USP25: variants seen among roughly 807,000 people sequenced by gnomAD.
USP25 encodes the protein ubiquitin specific peptidase 25, also known as ubiquitin carboxyl-terminal hydrolase 25.
A neutral mutation model predicts 158.5 loss-of-function variants in USP25; 85 were observed. That is an observed-to-expected ratio of 0.54 (90% CI 0.45 to 0.64). The LOEUF (loss-of-function observed/expected upper bound fraction) is 0.64, where lower values mean the gene tolerates loss of function less well. Among genes scored for constraint, USP25 ranks in the 30% least tolerant of loss-of-function variants. The pLI is 0.00. For synonymous variants in USP25, 464 were observed against 460.4 expected, an observed-to-expected ratio of 1.01 and a Z score of -0.10; for missense variants, 1,242 against 1,327.3, an observed-to-expected ratio of 0.94 and a Z score of 1.00.
intron 6 of USP25, 61 bp downstream of exon 6, chr21:15,799,904 T>A: frequency 7.0e-6 from 8 of 1,148,612 alleles, no homozygotes; most frequent in Non-Finnish European, 9.5e-6. Flanking sequence ...TTATATGTGA[T>A]TGATTTTTGG....
Position 15,739,025 on chromosome 21 carries a change from GA to G in USP25, c.45+8588del, listed in dbSNP as rs557943716. Among the ~76,000 whole-genome samples the G allele has an allele frequency of 3.1e-4, 47 of 152,264 alleles. No individual in the cohort carries two copies. The South Asian group carries it at 8.9e-3, about 29-fold the overall frequency. ...AAGGGACAGGAATTGCTCACCCCGG[GA>G]GCTCGGCTCTTGAGACAGGAGTCTT... On this transcript the variant is annotated intron_variant, in intron 1 of 25. Transcript: ENST00000400183.
At position 15,826,228 on chromosome 21, in the gene USP25, CA is replaced by C; in HGVS notation, c.1332del (p.Lys444AsnfsTer6). The C allele has an allele frequency of 6.2e-7, 1 of 1,613,940 alleles. No individual in the cohort carries two copies. The highest frequency in any genetic ancestry group is 1.3e-5 in the African/African-American group (1 of 75,040). On this transcript the variant is annotated frameshift_variant, in exon 13 of 26. Coordinates refer to ENST00000400183, the MANE Select transcript of USP25 (RefSeq NM_001283041.3). LOFTEE classifies it high-confidence loss of function. The surrounding 1 kb of genome is among the most constrained non-coding windows in gnomAD (Gnocchi z 4.8). ...GATATTTAAGCTATGGTTCCGGTCC[CA>C]AACGATTCCCCTTGGTAGATGTTCT... ...ERYLSYGSGP[K>X]RFPLVDVLQY...
intron 1 of USP25, among the ~76,000 whole-genome samples, chr21:15,741,253 T>G (rs888801109): frequency 6.6e-6 from 1 of 152,032 alleles, no homozygotes; most frequent in African/African-American, 2.4e-5. Context: ...ATATAAATAT[T>G]CTCACATCTG....
chr21:15,876,168 T>C (rs2040089749), intron 24 of USP25: 1 of 152,162 alleles, frequency 6.6e-6, no homozygotes, highest in South Asian at 2.1e-4. Context: ...ATTTAAGAGA[T>C]TTCCAGGACA....
chr21:15,817,493 A>T (rs1337795862), intron 9 of USP25, among the ~76,000 whole-genome samples: 1 of 152,150 alleles, frequency 6.6e-6, no homozygotes, highest in Non-Finnish European at 1.5e-5. Context: ...TCTTAGATTT[A>T]ACCATTCAGT....
In USP25 at chr21:15,811,202, T is replaced by C; in HGVS notation, c.923T>C (p.Val308Ala). Reference protein sequence around the residue: ...LFYGRFLAVGVLEGKKFENTE... With the variant: ...LFYGRFLAVGALEGKKFENTE... ...TATGGCAGATTCCTGGCTGTGGGAG[T>C]ACTTGAAGGTAGAGTTATACATTTA... Residue 308 changes from valine to alanine, a missense_variant, in exon 9 of 26, where the codon GTA becomes GCA. Coordinates refer to ENST00000400183, the MANE Select transcript of USP25 (RefSeq NM_001283041.3). The C allele has an allele frequency of 6.2e-7, 1 of 1,611,806 alleles. No homozygotes were observed. Among genetic ancestry groups the C allele is most frequent in the Non-Finnish European group, 8.5e-7 (1 of 1,179,112 alleles).
In USP25 at chr21:15,768,007, C is replaced by T. The variant is rs185341043; in HGVS notation, c.268+1866C>T. ...ATAGGTTCCCTTAGGGAGAAGGCAG[C>T]CTAATTTCAGGAGGCACGTGTCTCA... On this transcript the variant is annotated intron_variant, in intron 3 of 25. Transcript: ENST00000400183. Among the ~76,000 whole-genome samples, 144 of 152,124 alleles carry T rather than the reference C, an allele frequency of 9.5e-4. 1 individual carries two copies. Among genetic ancestry groups the T allele is most frequent in the African/African-American group, 3.4e-3 (140 of 41,512 alleles).
At chr21:15,803,180 A>G (rs2146262448) in intron 6 of USP25, among the ~76,000 whole-genome samples, 1 of 151,936 alleles carries the variant, frequency 6.6e-6, no homozygotes, top group Middle Eastern at 3.4e-3. Context: ...TTAAGCATTT[A>G]AAGAACAAAT....
At chr21:15,770,991 T>C (rs1034644792) in intron 3 of USP25, among the ~76,000 whole-genome samples, 1 of 152,222 alleles carries the variant, frequency 6.6e-6, no homozygotes, top group Non-Finnish European at 1.5e-5. Context: ...TGAAAAAATT[T>C]TGAATATATA....
chr21:15,736,254 C>T (rs555872586), intron 1 of USP25, among the ~76,000 whole-genome samples: 3 of 152,122 alleles, frequency 2.0e-5, no homozygotes, highest in Admixed American at 1.3e-4. Flanking sequence ...TACACCACCA[C>T]GCCCAGCTAC....
chr21:15,760,069 C>T (rs1232025860), intron 1 of USP25, among the ~76,000 whole-genome samples: 1 of 152,210 alleles, frequency 6.6e-6, no homozygotes. Context: ...CTGCCAATGC[C>T]TATCCAATGA....
At chr21:15,799,937 C>A in intron 6 of USP25, 94 bp downstream of exon 6, 1 of 639,134 alleles carries the variant, frequency 1.6e-6, no homozygotes, top group Non-Finnish European at 2.4e-6. Context: ...CTCATCAAAT[C>A]TGAAACTGTC....
intron 1 of USP25, among the ~76,000 whole-genome samples, chr21:15,731,342 C>T (rs1271357597): frequency 6.6e-6 from 1 of 152,066 alleles, no homozygotes; most frequent in Non-Finnish European, 1.5e-5. Flanking sequence ...AAAGAGTAAA[C>T]CGTGCCTTAG....
At chr21:15,836,224 T>C (rs1021729687) in intron 17 of USP25, among the ~76,000 whole-genome samples, 30 of 152,266 alleles carry the variant, frequency 2.0e-4, no homozygotes, top group Admixed American at 1.6e-3. Context: ...AGCTGAAACA[T>C]AAGACCTCAT....
rs144034584 is a variant in USP25, at chr21:15,737,595, A to G, written c.45+7157A>G. 9.3e-3 allele frequency among the ~76,000 whole-genome samples: 1,417 copies of G among 151,924 alleles called. 14 individuals carry two copies. The highest frequency in any genetic ancestry group is 0.016 in the South Asian group (77 of 4,810). ...GGCTGAAGGTATTTTTTTTAATGTT[A>G]GTTGTTTTAACTTAAAAATTTTAAG... On this transcript the variant is annotated intron_variant, in intron 1 of 25. Transcript: ENST00000400183.
At chr21:15,753,087 A>G (rs2033139583) in intron 1 of USP25, among the ~76,000 whole-genome samples, 2 of 152,200 alleles carry the variant, frequency 1.3e-5, no homozygotes, top group African/African-American at 2.4e-5. Flanking sequence ...CTCTAGGGAA[A>G]GTGACAGGGA....
At chr21:15,749,516 GT>G (rs2032826086) in intron 1 of USP25, among the ~76,000 whole-genome samples, 1 of 152,052 alleles carries the variant, frequency 6.6e-6, no homozygotes, top group African/African-American at 2.4e-5. Context: ...CTAGTTTTAG[GT>G]TTTCAATTGC....
intron 3 of USP25, among the ~76,000 whole-genome samples, chr21:15,775,761 G>A (rs945268601): frequency 2.9e-4 from 5 of 17,202 alleles, no homozygotes; most frequent in Non-Finnish European, 5.3e-4. Flanking sequence ...CCCCGCCCCC[G>A]CTGCACTCTG....
chr21:15,870,437 G>A (rs952083578), intron 23 of USP25, among the ~76,000 whole-genome samples: 1 of 152,118 alleles, frequency 6.6e-6, no homozygotes, highest in African/African-American at 2.4e-5. Flanking sequence ...TTGATATCAA[G>A]TCAGAGATAG....
Sources: allele counts gnomAD v4.1 joint callset (sites outside exome capture counted in the v4.1 genomes callset), GRCh38; gene constraint gnomAD v4.1.1; non-coding constraint Gnocchi (gnomAD v3.1); transcripts MANE v1.5; gene names NCBI Gene and HGNC (gene_info 2026-07-23, HGNC 2026-07-21).